DOP1B: variants seen among roughly 807,000 people sequenced by gnomAD.
DOP1B encodes the protein protein DOP1B.
Under a neutral mutation model 233.5 loss-of-function variants are expected in DOP1B, and 174 were observed. The ratio of observed to expected loss-of-function variants is 0.75; its 90% CI spans 0.66 to 0.85. The LOEUF (loss-of-function observed/expected upper bound fraction) is 0.85. Among genes scored for constraint, DOP1B ranks in the 40% least tolerant of loss-of-function variants. The pLI is 0.00. For missense variants in DOP1B, 2,652 were observed against 2,846.6 expected (o/e 0.93, Z 1.56); for synonymous variants, 1,190 against 1,185.6 (o/e 1.00, Z -0.08).
chr21:36,216,915 A>T (rs2066566212), intron 9 of DOP1B, among the ~76,000 whole-genome samples: 2 of 152,028 alleles, frequency 1.3e-5, no homozygotes, highest in South Asian at 4.1e-4. Context: ...TCTCTACTAA[A>T]AATACAAAAA....
Position 36,225,683 on chromosome 21 carries a change from G to C in DOP1B, c.1473+16G>C. The C allele has an allele frequency of 6.2e-7, 1 of 1,613,608 alleles. No individual in the cohort carries two copies. The highest frequency in any genetic ancestry group is 8.5e-7 in the Non-Finnish European group (1 of 1,179,664). Reference sequence around the variant, plus strand: ...CATTCCTTTGGTGAGTGCTGGGGAAGGGACATCTCAACGCCTGCTATTATT... The same window carrying C: ...CATTCCTTTGGTGAGTGCTGGGGAACGGACATCTCAACGCCTGCTATTATT... On this transcript the variant is annotated intron_variant, in intron 12 of 36. Coordinates refer to ENST00000691173, the MANE Select transcript of DOP1B (RefSeq NM_001320714.2).
At chr21:36,283,190 T>G (rs1337692946) in intron 32 of DOP1B, among the ~76,000 whole-genome samples, 1 of 152,002 alleles carries the variant, frequency 6.6e-6, no homozygotes, top group Non-Finnish European at 1.5e-5. Context: ...CAAGTGATTC[T>G]CCTGCCTCAG....
chr21:36,292,132 G>A lies in DOP1B; in HGVS notation c.6544G>A (p.Asp2182Asn), dbSNP rs1202424487. Reference protein sequence around the residue: ...IYRWAFIPEVDTEGPAFLSDV... With the variant: ...IYRWAFIPEVNTEGPAFLSDV... ...TAGGTGGGCATTTATTCCAGAAGTG[G>A]ACACAGAGGGCCCTGCCTTCCTGTC... Residue 2182 changes from aspartate to asparagine, a missense_variant, in exon 36 of 37, where the codon GAC (aspartate) becomes AAC (asparagine). Coordinates refer to ENST00000691173, the MANE Select transcript of DOP1B (RefSeq NM_001320714.2). 9 of 1,610,482 alleles carry A rather than the reference G, an allele frequency of 5.6e-6. No individual in the cohort carries two copies. In the Middle Eastern group the frequency reaches 4.9e-4, roughly 88 times the overall value.
intron 32 of DOP1B, among the ~76,000 whole-genome samples, chr21:36,285,121 A>T (rs1258952796): frequency 6.6e-6 from 1 of 152,010 alleles, no homozygotes; most frequent in African/African-American, 2.4e-5. Context: ...GTGCAGTGGC[A>T]CAATCTTGGC....
rs115181544 is a variant in DOP1B, at chr21:36,271,615, G to T, written c.5632+1458G>T. Among the ~76,000 whole-genome samples, 458 of 152,064 alleles carry T rather than the reference G, an allele frequency of 3.0e-3. 6 individuals carry two copies. The highest frequency in any genetic ancestry group is 0.01 in the African/African-American group (431 of 41,384). ...CCATAGCCAGATGACTGAACTGTCT[G>T]TTTTGACTTTTTACAACATACTATG... is the stretch of plus-strand genomic sequence containing the variant. On this transcript the variant is annotated intron_variant, in intron 27 of 36. Transcript: ENST00000691173.
At chr21:36,224,622 GC>G (rs2066661554) in intron 11 of DOP1B, among the ~76,000 whole-genome samples, 1 of 151,642 alleles carries the variant, frequency 6.6e-6, no homozygotes, top group Non-Finnish European at 1.5e-5. Flanking sequence ...GTGTAACATG[GC>G]TTTGCTGTTG....
chr21:36,280,853 A>G (rs1217807794), intron 31 of DOP1B, among the ~76,000 whole-genome samples: 1 of 151,954 alleles, frequency 6.6e-6, no homozygotes, highest in East Asian at 1.9e-4. Flanking sequence ...AATACAAAAA[A>G]TAGCCAGGCA....
At chr21:36,204,927 T>C (rs1220428246) in intron 4 of DOP1B, among the ~76,000 whole-genome samples, 2 of 152,196 alleles carry the variant, frequency 1.3e-5, no homozygotes, top group Non-Finnish European at 2.9e-5. Context: ...AGTGCTGGGA[T>C]TACAGGCGTG....
intron 18 of DOP1B, among the ~76,000 whole-genome samples, chr21:36,243,599 A>G (rs1233709547): frequency 2.0e-5 from 3 of 152,004 alleles, no homozygotes; most frequent in Non-Finnish European, 4.4e-5. Context: ...AGACTTTCCT[A>G]GTGGCTGTGT....
chr21:36,284,807 A>T (rs1325070073), intron 32 of DOP1B, among the ~76,000 whole-genome samples: 7 of 151,264 alleles, frequency 4.6e-5, no homozygotes, highest in South Asian at 2.1e-4. Context: ...TATATATATA[A>T]AAAACATGTT....
intron 2 of DOP1B, among the ~76,000 whole-genome samples, chr21:36,167,604 C>A (rs1221231352): frequency 1.3e-5 from 2 of 152,152 alleles, no homozygotes; most frequent in Non-Finnish European, 2.9e-5. Context: ...AGTTAAGTGG[C>A]CTTTAGTATG....
chr21:36,276,969 A>G, intron 27 of DOP1B, 52 bp from the exon 28 acceptor site: 1 of 1,590,722 alleles, frequency 6.3e-7, no homozygotes, highest in Non-Finnish European at 8.6e-7. Flanking sequence ...GGGACAGTAA[A>G]TGGTGACCCA....
At chr21:36,237,234 C>T (rs556990156) in intron 15 of DOP1B, 28 bp from the exon 16 acceptor site, 3 of 1,613,984 alleles carry the variant, frequency 1.9e-6, no homozygotes, top group East Asian at 2.2e-5. Context: ...GACCTGGTCC[C>T]CCACCGCCTG....
chr21:36,285,304 C>T (rs1014915768), intron 32 of DOP1B, among the ~76,000 whole-genome samples: 22 of 152,188 alleles, frequency 1.4e-4, no homozygotes, highest in Non-Finnish European at 1.3e-4. Flanking sequence ...AAGTGATCCA[C>T]CCGCCTCAGC....
chr21:36,260,880 G>C, intron 24 of DOP1B, 148 bp downstream of exon 24: 13 of 1,479,556 alleles, frequency 8.8e-6, no homozygotes, highest in Non-Finnish European at 1.2e-5. Flanking sequence ...TTCTTCCCAA[G>C]GTATTGATCT....
intron 7 of DOP1B, 126 bp downstream of exon 7, chr21:36,212,223 T>C (rs2066507587): frequency 8.8e-7 from 1 of 1,131,072 alleles, no homozygotes; most frequent in Non-Finnish European, 1.2e-6. Flanking sequence ...GATACCACAA[T>C]GACTAAATAT....
chr21:36,271,718 C>T (rs2067291717), intron 27 of DOP1B, among the ~76,000 whole-genome samples: 1 of 152,196 alleles, frequency 6.6e-6, no homozygotes, highest in Admixed American at 6.5e-5. Flanking sequence ...CACTGAGCCT[C>T]AGTGGGGCTC....
At chr21:36,254,105 A>G (rs2067065162) in intron 23 of DOP1B, among the ~76,000 whole-genome samples, 196 bp downstream of exon 23, 1 of 151,976 alleles carries the variant, frequency 6.6e-6, no homozygotes, top group Admixed American at 6.6e-5. Context: ...CTTCTTTTTT[A>G]AGTTGGGAAC....
intron 10 of DOP1B, 95 bp from the exon 11 acceptor site, chr21:36,223,136 T>C: frequency 7.7e-7 from 1 of 1,290,468 alleles, no homozygotes; most frequent in Non-Finnish European, 1.1e-6. Context: ...TAGAAATAAG[T>C]TGCAGATGGT....
Sources: gnomAD v4.1 joint callset for allele counts (sites outside exome capture counted in the v4.1 genomes callset) on GRCh38, gnomAD v4.1.1 for gene constraint, MANE v1.5 for transcripts, NCBI Gene and HGNC (gene_info 2026-07-23, HGNC 2026-07-21) for gene names.